The following FYN variants were observed in gnomAD, a reference collection of about 807,000 sequenced individuals.
The protein encoded by FYN is tyrosine-protein kinase Fyn.
Under a neutral mutation model 70.2 loss-of-function variants are expected in FYN, and 10 were observed. The ratio of observed to expected loss-of-function variants is 0.14; its 90% CI spans 0.09 to 0.24. The LOEUF (loss-of-function observed/expected upper bound fraction) is 0.24, where lower values mean the gene tolerates loss of function less well. FYN is among the 10% of genes least tolerant of loss of function. The pLI, the probability that FYN is intolerant of heterozygous loss-of-function variation, is 1.00. For missense variants in FYN, 319 were observed against 673.1 expected, an observed-to-expected ratio of 0.47 and a Z score of 5.82; for synonymous variants, 236 against 248.6, an observed-to-expected ratio of 0.95 and a Z score of 0.48.
intron 12 of FYN, among the ~76,000 whole-genome samples, chr6:111,684,249 G>A (rs748976752): frequency 1.3e-5 from 2 of 152,094 alleles, no homozygotes; most frequent in African/African-American, 2.4e-5. Flanking sequence ...AGGTGGGCCC[G>A]AACATATTGC....
intron 3 of FYN, among the ~76,000 whole-genome samples, chr6:111,770,736 A>C (rs1372452367): frequency 2.6e-5 from 4 of 152,174 alleles, no homozygotes; most frequent in Non-Finnish European, 5.9e-5. Context: ...CTGGGTCAAA[A>C]CATGGCAGAT....
chr6:111,865,942 T>C (rs1015547878), intron 1 of FYN, among the ~76,000 whole-genome samples: 3 of 152,230 alleles, frequency 2.0e-5, no homozygotes, highest in African/African-American at 7.2e-5. Context: ...AATCATACCA[T>C]GTAAGTAAAT....
Position 111,776,684 on chromosome 6 carries a change from C to G in FYN, c.-12+3882G>C, listed in dbSNP as rs929198955. Among the ~76,000 whole-genome samples, 2 of 152,180 alleles carry G rather than the reference C, an allele frequency of 1.3e-5. 1 individual carries two copies. Among genetic ancestry groups the G allele is most frequent in the African/African-American group, 4.8e-5 (2 of 41,444 alleles). On this transcript the variant is annotated intron_variant, in intron 3 of 13. Transcript: ENST00000354650. ...TGGGAAGATATTACTGGCCTAGAAG[C>G]CGGGTGAGTGCATCCCAAAATATAC...
At chr6:111,755,375 T>C (rs1466537931) in intron 3 of FYN, among the ~76,000 whole-genome samples, 1 of 152,112 alleles carries the variant, frequency 6.6e-6, no homozygotes, top group East Asian at 1.9e-4. Context: ...TGGAAAATGG[T>C]TATAACCATT....
intron 1 of FYN, among the ~76,000 whole-genome samples, chr6:111,869,321 C>G (rs1774205130): frequency 6.6e-6 from 1 of 152,240 alleles, no homozygotes; most frequent in Non-Finnish European, 1.5e-5. Context: ...GCTGCAAGGC[C>G]TTGGGGCAAG....
chr6:111,754,781 A>AACACAAAC (rs1202667196), intron 3 of FYN: 3 of 152,112 alleles, frequency 2.0e-5, no homozygotes, highest in Non-Finnish European at 4.4e-5. Flanking sequence ...AACATTCCTT[A>AACACAAAC]ACACAAACAC....
intron 3 of FYN, among the ~76,000 whole-genome samples, chr6:111,721,730 T>A (rs976196957): frequency 6.0e-4 from 91 of 152,058 alleles, no homozygotes; most frequent in African/African-American, 2.2e-3. Flanking sequence ...ATCAGCAGTG[T>A]ACCTTGCATT....
At chr6:111,724,165 C>T (rs1265211056) in intron 3 of FYN, among the ~76,000 whole-genome samples, 1 of 152,106 alleles carries the variant, frequency 6.6e-6, no homozygotes, top group Non-Finnish European at 1.5e-5. Flanking sequence ...GTTAAGCAAC[C>T]TGGGAAGAAT....
chr6:111,867,459 A>AAAT (rs35182384), intron 1 of FYN, among the ~76,000 whole-genome samples: 4 of 74,186 alleles, frequency 5.4e-5, no homozygotes, highest in East Asian at 2.7e-4. Context: ...CCGTCTCGGG[A>AAAT]AAAAAAAAAA....
At chr6:111,672,513 A>G (rs1276459750) in intron 13 of FYN, among the ~76,000 whole-genome samples, 3 of 152,224 alleles carry the variant, frequency 2.0e-5, no homozygotes, top group African/African-American at 7.2e-5. Flanking sequence ...CAGAATGAAG[A>G]TCTAGGCCCC....
At chr6:111,850,534 C>T (rs190644161) in intron 1 of FYN, among the ~76,000 whole-genome samples, 7 of 152,194 alleles carry the variant, frequency 4.6e-5, no homozygotes, top group African/African-American at 1.7e-4. Context: ...ACTTCCATAT[C>T]GAGCGTGTCC....
intron 1 of FYN, among the ~76,000 whole-genome samples, chr6:111,856,967 A>G (rs1773837882): frequency 1.3e-5 from 2 of 152,246 alleles, no homozygotes; most frequent in Non-Finnish European, 2.9e-5. Context: ...AAAATACATC[A>G]TCTTAAATGC....
intron 3 of FYN, among the ~76,000 whole-genome samples, chr6:111,726,239 G>A (rs1801188724): frequency 6.6e-6 from 1 of 152,214 alleles, no homozygotes; most frequent in African/African-American, 2.4e-5. Flanking sequence ...GATGGATGTT[G>A]TTTTAAGCTA....
intron 3 of FYN, among the ~76,000 whole-genome samples, chr6:111,754,934 G>A (rs918073045): frequency 1.3e-5 from 2 of 150,932 alleles, no homozygotes; most frequent in Admixed American, 6.6e-5. Context: ...ACAAACACTG[G>A]AAATTGTTGT....
intron 1 of FYN, among the ~76,000 whole-genome samples, chr6:111,852,963 T>C (rs907392153): frequency 3.3e-5 from 5 of 152,186 alleles, no homozygotes; most frequent in African/African-American, 1.2e-4. Context: ...ACAGAACCAG[T>C]TGTGCAAGAA....
intron 12 of FYN, among the ~76,000 whole-genome samples, chr6:111,693,776 T>C (rs932605562): frequency 6.6e-6 from 1 of 152,110 alleles, no homozygotes; most frequent in African/African-American, 2.4e-5. Context: ...TGACCTCTAC[T>C]TCTGGTTGGG....
chr6:111,672,484 G>A (rs1798328346), intron 13 of FYN, among the ~76,000 whole-genome samples: 1 of 152,208 alleles, frequency 6.6e-6, no homozygotes, highest in South Asian at 2.1e-4. Flanking sequence ...CCTGGATCAG[G>A]TGTCCCTGAC....
chr6:111,849,580 A>G (rs1293231416), intron 1 of FYN, among the ~76,000 whole-genome samples: 1 of 152,126 alleles, frequency 6.6e-6, no homozygotes, highest in African/African-American at 2.4e-5. Context: ...CTGGAGGGAG[A>G]AAGGTGGGAA....
In FYN at chr6:111,674,596, C is replaced by T. The variant is rs1798452487; in HGVS notation, c.1308G>A (p.Glu436=). Residue 436 remains glutamate, a synonymous_variant, in exon 13 of 14, where the codon GAG becomes GAA. Coordinates refer to ENST00000354650, the MANE Select transcript of FYN (RefSeq NM_002037.5). ...TTGTGAACCTCCCGTACAGGGCTGC[C>T]TCGGGGGCCGTCCACTTGATGGGGA... The part of the protein sequence containing the change: ...AKFPIKWTAP[E]AALYGRFTIK... 1 of 1,613,902 alleles carries T rather than the reference C, an allele frequency of 6.2e-7. No homozygotes were observed. The highest frequency in any genetic ancestry group is 8.5e-7 in the Non-Finnish European group (1 of 1,179,848).
Sources: allele counts gnomAD v4.1 joint callset (sites outside exome capture counted in the v4.1 genomes callset), GRCh38; gene constraint gnomAD v4.1.1; transcripts MANE v1.5; gene names NCBI Gene and HGNC (gene_info 2026-07-23, HGNC 2026-07-21).